Variants in TTYH1 observed in about 807,000 individuals in gnomAD.
TTYH1 encodes protein tweety homolog 1.
TTYH1 carries 33 observed loss-of-function variants against 61.2 expected under a neutral mutation model. That is an observed-to-expected ratio of 0.54 (90% CI 0.41 to 0.72). The LOEUF is 0.72. Among genes scored for constraint, TTYH1 ranks in the 30% least tolerant of loss-of-function variants. The pLI is 0.00. For missense variants in TTYH1, 538 were observed against 575.8 expected, an observed-to-expected ratio of 0.93 and a Z score of 0.67; for synonymous variants, 308 against 266.4, an observed-to-expected ratio of 1.16 and a Z score of -1.52.
intron 5 of TTYH1, among the ~76,000 whole-genome samples, chr19:54,427,418 A>G (rs1385010167): frequency 1.3e-5 from 2 of 149,910 alleles, no homozygotes; most frequent in African/African-American, 4.9e-5. Flanking sequence ...ATCCTGGCTA[A>G]CACGGTGAAA....
intron 1 of TTYH1, chr19:54,418,846 C>T (rs1044282034): frequency 7.5e-6 from 3 of 397,754 alleles, no homozygotes; most frequent in Non-Finnish European, 1.3e-5. Context: ...GGGGCGGTTC[C>T]TGCTAAAGAT....
chr19:54,421,679 C>T lies in TTYH1; in HGVS notation c.417+291C>T, dbSNP rs2083220521. ...CCAGCCCCTGTCCACGGGCCAGATC[C>T]AGGGCCCCAGACCTGATTCTTGGCC... On this transcript the variant is annotated intron_variant, in intron 3 of 13. Coordinates refer to ENST00000376530, the MANE Select transcript of TTYH1 (RefSeq NM_020659.4). This position sits in a 1 kb window ranked among gnomAD's most constrained non-coding sequence, Gnocchi z 4.8. Among the ~76,000 whole-genome samples, 1 of 151,918 alleles carries T rather than the reference C, an allele frequency of 6.6e-6. No homozygotes were observed.
At chr19:54,417,058 C>T in intron 1 of TTYH1, 1 of 588,290 alleles carries the variant, frequency 1.7e-6, no homozygotes, top group African/African-American at 2.1e-5. Context: ...ACCGTGGGTA[C>T]AGCTGCAGAC....
chr19:54,436,132 C>T lies in TTYH1; in HGVS notation c.*3C>T. 6.2e-7 allele frequency: 1 copy of T among 1,614,132 alleles called. No individual in the cohort carries two copies. The highest frequency in any genetic ancestry group is 8.5e-7 in the Non-Finnish European group (1 of 1,180,002). The stretch of plus-strand genomic sequence containing the variant: ...TGCAGTGGCAGTCGTCTATCTGAGC[C>T]CCTCCTCCCGGCTGGACTGGAGCCT... On this transcript the variant is annotated 3_prime_UTR_variant, in exon 13 of 14. Transcript: ENST00000376530. This position sits in a 1 kb window ranked among gnomAD's most constrained non-coding sequence, Gnocchi z 4.3.
chr19:54,429,309 T>C lies in TTYH1; in HGVS notation c.737T>C (p.Met246Thr). 1.2e-6 allele frequency: 2 copies of C among 1,614,032 alleles called. No homozygotes were observed. Among genetic ancestry groups the C allele is most frequent in the Non-Finnish European group, 8.5e-7 (1 of 1,179,962 alleles). The part of the protein sequence containing the change: ...AKQSKWLVIV[M>T]TVMSLLVLVL... ...TGATCCTCCCTCCCCCACTCTAGGA[T>C]GACAGTCATGAGTCTCCTGGTTCTC... The change falls in exon 6 of 14, where the codon ATG (methionine) becomes ACG (threonine). Residue 246 changes from methionine to threonine, a missense_variant and splice_region_variant. Met to Thr is a moderately conservative substitution (Grantham distance 81, BLOSUM62 -1). Transcript: ENST00000376530. The surrounding 1 kb of genome is among the most constrained non-coding windows in gnomAD (Gnocchi z 5.1).
rs533791610 is a variant in TTYH1 at position 54,423,111 on chromosome 19, A to G, written c.638+701A>G. 1.1e-4 allele frequency among the ~76,000 whole-genome samples: 17 copies of G among 149,626 alleles called. No individual in the cohort carries two copies. In the South Asian group the frequency reaches 3.4e-3, roughly 30 times the overall value. On this transcript the variant is annotated intron_variant, in intron 4 of 13. Coordinates refer to ENST00000376530, the MANE Select transcript of TTYH1 (RefSeq NM_020659.4). ...CCTTGACTCACTCATTCAGCAAGTC[A>G]CTCTTGGACTCAGTTACTCCTGGAC... is the stretch of plus-strand genomic sequence containing the variant.
At chr19:54,425,057 C>T (rs58068080) in intron 4 of TTYH1, among the ~76,000 whole-genome samples, 4,499 of 152,276 alleles carry the variant, frequency 0.03, 95 homozygotes, top group South Asian at 0.086. Context: ...CCGTGGGTCA[C>T]GGAAGAGAAC....
At chr19:54,425,701 T>C (rs1355401492) in intron 4 of TTYH1, among the ~76,000 whole-genome samples, 2 of 112,986 alleles carry the variant, frequency 1.8e-5, no homozygotes, top group Admixed American at 2.1e-4. Flanking sequence ...TCACTGATAT[T>C]TAAGGATTAA....
Position 54,416,397 on chromosome 19 carries a change from C to T in TTYH1, c.126+719C>T. 3.9e-6 allele frequency: 1 copy of T among 256,216 alleles called. No individual in the cohort carries two copies. The highest frequency in any genetic ancestry group is 7.9e-6 in the Non-Finnish European group (1 of 126,462). 15.9% of individuals were successfully genotyped at this position (256,216 alleles called of 1,614,324 possible). A position where few individuals can be genotyped will look rare whatever the true frequency, so the allele number is the denominator to read the frequency against. The stretch of plus-strand genomic sequence containing the variant: ...GAAGCCGGTGTCCCTGGGGAAGGGG[C>T]CCGGCTCGGGGCAGCTCCAATGGGC... On this transcript the variant is annotated intron_variant, in intron 1 of 13. Coordinates refer to ENST00000376530, the MANE Select transcript of TTYH1 (RefSeq NM_020659.4). The surrounding 1 kb of genome is among the most constrained non-coding windows in gnomAD (Gnocchi z 7.0).
Position 54,415,537 on chromosome 19 carries a change from C to T in TTYH1, c.-16C>T. ...CAGCCCCGGCGTCCGCCCCGCTGCC[C>T]CCTCCCCCGGGGGCCATGGGGGCGC... On this transcript the variant is annotated 5_prime_UTR_variant, in exon 1 of 14. Coordinates refer to ENST00000376530, the MANE Select transcript of TTYH1 (RefSeq NM_020659.4). The surrounding 1 kb of genome is among the most constrained non-coding windows in gnomAD (Gnocchi z 5.2). 6.9e-7 allele frequency: 1 copy of T among 1,446,740 alleles called. No individual in the cohort carries two copies. The highest frequency in any genetic ancestry group is 1.5e-5 in the African/African-American group (1 of 67,668). 89.6% of individuals were successfully genotyped at this position (1,446,740 alleles called of 1,614,324 possible).
intron 4 of TTYH1, 75 bp downstream of exon 4, chr19:54,422,485 C>T (rs1342584276): frequency 7.5e-7 from 1 of 1,325,178 alleles, no homozygotes; most frequent in Non-Finnish European, 1.0e-6. Flanking sequence ...TTGGCAATGC[C>T]TGGAGGCAGT....
At position 54,426,764 on chromosome 19, in the gene TTYH1, A is replaced by C; in HGVS notation, c.730A>C (p.Ile244Leu). ...GLAKQSKWLV[I>L]VMTVMSLLVL... Reference sequence around the variant, plus strand: ...GGCGAAGCAGAGCAAGTGGCTGGTGATCGTGTAAGTGCAGGCAGTAGGGGG... The same window carrying C: ...GGCGAAGCAGAGCAAGTGGCTGGTGCTCGTGTAAGTGCAGGCAGTAGGGGG... The change falls in exon 5 of 14, where the codon ATC (isoleucine) becomes CTC (leucine). Residue 244 changes from isoleucine (I) to leucine (L), a missense_variant. This residue lies in a region of TTYH1 where 378 missense variants were observed against 401.2 expected (regional missense o/e 0.94). Transcript: ENST00000376530. 3.1e-6 allele frequency: 5 copies of C among 1,613,542 alleles called. No homozygotes were observed. Among genetic ancestry groups the C allele is most frequent in the Non-Finnish European group, 4.2e-6 (5 of 1,179,866 alleles).
chr19:54,421,815 T>C lies in TTYH1; in HGVS notation c.418-375T>C, dbSNP rs114411612. Reference sequence around the variant, plus strand: ...CCCTGGGGCTGAGGCCTGGCCCCACTTCATGCCTTAGATTCCATGTCCAGC... The same window carrying C: ...CCCTGGGGCTGAGGCCTGGCCCCACCTCATGCCTTAGATTCCATGTCCAGC... On this transcript the variant is annotated intron_variant, in intron 3 of 13. Transcript: ENST00000376530. The surrounding 1 kb of genome is among the most constrained non-coding windows in gnomAD (Gnocchi z 4.8). Among the ~76,000 whole-genome samples the C allele has an allele frequency of 9.0e-3, 1,371 of 152,152 alleles. 15 individuals carry two copies. The highest frequency in any genetic ancestry group is 0.031 in the African/African-American group (1,295 of 41,502).
Position 54,436,185 on chromosome 19 carries a change from G to A in TTYH1, c.*42+14G>A, listed in dbSNP as rs534044411. The A allele has an allele frequency of 2.7e-5, 44 of 1,613,520 alleles. No individual in the cohort carries two copies. In the South Asian group the frequency reaches 4.5e-4, roughly 17 times the overall value. ...CTCCCCTCTTCGGTGAGCTTCCAAG[G>A]GCCACCCCAGCTCCTGCAGCCGGGC... On this transcript the variant is annotated intron_variant, in intron 13 of 13. Coordinates refer to ENST00000376530, the MANE Select transcript of TTYH1 (RefSeq NM_020659.4). The surrounding 1 kb of genome is among the most constrained non-coding windows in gnomAD (Gnocchi z 4.3).
Position 54,420,230 on chromosome 19 carries a change from G to A in TTYH1, c.305+924G>A, listed in dbSNP as rs529134794. Among the ~76,000 whole-genome samples, 12 of 152,300 alleles carry A rather than the reference G, an allele frequency of 7.9e-5. No homozygotes were observed. The highest frequency in any genetic ancestry group is 2.9e-4 in the African/African-American group (12 of 41,574). On this transcript the variant is annotated intron_variant, in intron 2 of 13. Transcript: ENST00000376530. The surrounding 1 kb of genome is among the most constrained non-coding windows in gnomAD (Gnocchi z 4.8). ...CAGACAGCAATCCTCTTCCACAGAC[G>A]GGGGGTCCCAGAGGGCCAGACGCCT...
rs1295999044 is a variant in TTYH1 at position 54,420,229 on chromosome 19, C to CG, written c.305+929dup. On this transcript the variant is annotated intron_variant, in intron 2 of 13. Transcript: ENST00000376530. The surrounding 1 kb of genome is among the most constrained non-coding windows in gnomAD (Gnocchi z 4.8). ...GCAGACAGCAATCCTCTTCCACAGA[C>CG]GGGGGGTCCCAGAGGGCCAGACGCC... is the stretch of plus-strand genomic sequence containing the variant. Among the ~76,000 whole-genome samples the CG allele has an allele frequency of 6.6e-6, 1 of 152,190 alleles. No homozygotes were observed. Among genetic ancestry groups the CG allele is most frequent in the Non-Finnish European group, 1.5e-5 (1 of 68,034 alleles).
rs2083543821 is a variant in TTYH1 at position 54,436,032 on chromosome 19, A to T, written c.1315-59A>T. On this transcript the variant is annotated intron_variant, in intron 12 of 13. Transcript: ENST00000376530. The surrounding 1 kb of genome is among the most constrained non-coding windows in gnomAD (Gnocchi z 4.3). ...GGAGGAGGGGCTGGGGTCCCACAGT[A>T]CAAAGCCAATTCCCACTCCATTCCC... 6.3e-7 allele frequency: 1 copy of T among 1,595,380 alleles called. No individual in the cohort carries two copies. Among genetic ancestry groups the T allele is most frequent in the Non-Finnish European group, 8.6e-7 (1 of 1,164,044 alleles).
Position 54,434,063 on chromosome 19 carries a change from G to C in TTYH1, c.1126-1479G>C, listed in dbSNP as rs2083491104. The C allele has an allele frequency of 6.6e-6, 1 of 152,204 alleles. No individual in the cohort carries two copies. The highest frequency in any genetic ancestry group is 1.5e-5 in the Non-Finnish European group (1 of 68,130). The allele number at this position is 152,204 out of a possible 1,614,324, so 9.4% of individuals were successfully genotyped here. A position where few individuals can be genotyped will look rare whatever the true frequency, so the allele number is the denominator to read the frequency against. On this transcript the variant is annotated intron_variant, in intron 10 of 13. Coordinates refer to ENST00000376530, the MANE Select transcript of TTYH1 (RefSeq NM_020659.4). The surrounding 1 kb of genome is among the most constrained non-coding windows in gnomAD (Gnocchi z 4.3). Reference sequence around the variant, plus strand: ...CCAGGTGCTCCTGCCAGAAACTCAGGCTCTTAGCTCCCACAACCATTCTCA... The same window carrying C: ...CCAGGTGCTCCTGCCAGAAACTCAGCCTCTTAGCTCCCACAACCATTCTCA...
intron 1 of TTYH1, chr19:54,417,011 C>G (rs1016737301): frequency 1.7e-6 from 2 of 1,181,826 alleles, no homozygotes; most frequent in African/African-American, 3.3e-5. Flanking sequence ...GCCCCACAGC[C>G]GAGGAGGGCA....
Sources: allele counts gnomAD v4.1 joint callset (sites outside exome capture counted in the v4.1 genomes callset), GRCh38; gene constraint gnomAD v4.1.1; regional missense constraint gnomAD v4.1.1; non-coding constraint Gnocchi (gnomAD v3.1); transcripts MANE v1.5; gene names NCBI Gene and HGNC (gene_info 2026-07-23, HGNC 2026-07-21).